FBN3: variants seen among roughly 807,000 people sequenced by gnomAD.
FBN3 encodes the protein fibrillin-3.
In FBN3, 234 loss-of-function variants were observed where a neutral mutation model predicts 330.1. That is an observed-to-expected ratio of 0.71 (90% CI 0.64 to 0.79). The LOEUF (loss-of-function observed/expected upper bound fraction) is 0.79. Ranked by LOEUF, FBN3 falls within the 30% of genes least tolerant of loss-of-function variation. The pLI, the probability that FBN3 is intolerant of heterozygous loss-of-function variation, is 0.00. For synonymous variants in FBN3, 1,458 were observed against 1,517.3 expected (o/e 0.96, Z 0.91); for missense variants, 3,606 against 3,886.9 (o/e 0.93, Z 1.92).
rs1257471194 is a variant in FBN3 at position 8,117,552 on chromosome 19, G to C, written c.3375C>G (p.Pro1125=). The C allele has an allele frequency of 1.3e-6, 2 of 1,557,224 alleles. No homozygotes were observed. The highest frequency in any genetic ancestry group is 2.7e-5 in the African/African-American group (2 of 73,316). Residue 1125 remains proline (P), a synonymous_variant, in exon 27 of 64, where the codon CCC becomes CCG. Transcript: ENST00000600128. ...DECSLSDGLC[P]HGQCVNVIGA... is the part of the protein sequence containing the mutation. ...CGATGACATTGACACACTGGCCATG[G>C]GGACACAGGCCATCACTCAGGGAGC...
At chr19:8,093,531 G>A (rs1216912862) in intron 47 of FBN3, among the ~76,000 whole-genome samples, 1 of 152,196 alleles carries the variant, frequency 6.6e-6, no homozygotes, top group Non-Finnish European at 1.5e-5. Flanking sequence ...GTTGAGGCAG[G>A]AGAATGGCGT....
At chr19:8,097,462 C>T (rs2082236416) in intron 41 of FBN3, 48 bp from the exon 42 acceptor site, 1 of 1,554,932 alleles carries the variant, frequency 6.4e-7, no homozygotes, top group African/African-American at 1.4e-5. Context: ...CCTGGGACTT[C>T]CAGCGATGCT....
chr19:8,120,603 C>T (rs1171664628), intron 25 of FBN3, among the ~76,000 whole-genome samples: 2 of 151,984 alleles, frequency 1.3e-5, no homozygotes, highest in African/African-American at 2.4e-5. Flanking sequence ...ATCCTCCCTC[C>T]TCAGCCTCCC....
chr19:8,069,920 A>G (rs1025035243), intron 63 of FBN3, among the ~76,000 whole-genome samples: 4 of 152,334 alleles, frequency 2.6e-5, no homozygotes, highest in African/African-American at 7.2e-5. Context: ...CCTGGCCAAC[A>G]TGGCGAAACC....
rs1555750577 is a variant in FBN3 at position 8,130,639 on chromosome 19, A to AAAGGAAAGGAAAGGAAAGGAAAG, written c.2044+595_2044+596insCTTTCCTTTCCTTTCCTTTCCTT. Among the ~76,000 whole-genome samples the AAAGGAAAGGAAAGGAAAGGAAAG allele has an allele frequency of 5.1e-4, 2 of 3,960 alleles. 1 individual carries two copies. The highest frequency in any genetic ancestry group is 4.3e-3 in the African/African-American group (2 of 470). The allele number at this position is 3,960 out of a possible 152,430, so 2.6% of individuals were successfully genotyped here. On this transcript the variant is annotated intron_variant, in intron 16 of 63. Coordinates refer to ENST00000600128, the MANE Select transcript of FBN3 (RefSeq NM_032447.5). ...AAGAAAGAAAGAAAGAAAGAAAGAAAGAAAGGAAAGGAAAGGAAAGGAAAA... is the reference window on the plus strand; with the variant it reads ...AAGAAAGAAAGAAAGAAAGAAAGAAAAAGGAAAGGAAAGGAAAGGAAAGGAAAGGAAAGGAAAGGAAAGGAAAA...
At chr19:8,071,435 CT>C (rs890053586) in intron 63 of FBN3, among the ~76,000 whole-genome samples, 1 of 152,126 alleles carries the variant, frequency 6.6e-6, no homozygotes, top group Non-Finnish European at 1.5e-5. Context: ...GGTTGGGGCC[CT>C]GGGGCTCCTA....
In FBN3 at chr19:8,111,206, G is replaced by A. The variant is rs1309066329; in HGVS notation, c.4085-23C>T. 3.8e-6 allele frequency: 6 copies of A among 1,571,788 alleles called. No individual in the cohort carries two copies. In the South Asian group the frequency reaches 6.0e-5, roughly 16 times the overall value. ...TGTCTGAGGGGCCCCAAGATTCGGA[G>A]GGCTGGAGGCCGGTGGACCAGGACC... On this transcript the variant is annotated intron_variant, in intron 32 of 63. Transcript: ENST00000600128.
At chr19:8,085,962 CCAGACAGTGGGAGGGA>C (rs1292428609) in intron 55 of FBN3, among the ~76,000 whole-genome samples, 7 of 121,674 alleles carry the variant, frequency 5.8e-5, no homozygotes, top group Admixed American at 5.1e-4. Flanking sequence ...TGGAGGGCTC[CCAGACAGTGGGAGGGA>C]CAGGCAGTGG....
intron 41 of FBN3, among the ~76,000 whole-genome samples, chr19:8,097,980 A>C (rs2082246034): frequency 6.6e-6 from 1 of 152,220 alleles, no homozygotes; most frequent in Non-Finnish European, 1.5e-5. Context: ...CAGGGGCAGA[A>C]GGGAGGGGCT....
Position 8,135,947 on chromosome 19 carries a change from C to G in FBN3, c.1591+14G>C. ...GCCCGGAAGCCCCTGCCCACCCGCC[C>G]ACCCCCAACTCACCCACACAGTTCT... On this transcript the variant is annotated intron_variant, in intron 13 of 63. Coordinates refer to ENST00000600128, the MANE Select transcript of FBN3 (RefSeq NM_032447.5). 2.0e-6 allele frequency: 1 copy of G among 495,398 alleles called. No individual in the cohort carries two copies. The highest frequency in any genetic ancestry group is 4.0e-6 in the Non-Finnish European group (1 of 251,962). The allele number at this position is 495,398 out of a possible 1,614,324, so 30.7% of individuals were successfully genotyped here.
At chr19:8,113,780 G>A (rs911358260) in intron 30 of FBN3, among the ~76,000 whole-genome samples, 3 of 148,196 alleles carry the variant, frequency 2.0e-5, no homozygotes, top group Admixed American at 1.4e-4. Context: ...CGAGGCAAGA[G>A]GATTACTTGA....
chr19:8,102,826 T>C lies in FBN3; in HGVS notation c.4987A>G (p.Asn1663Asp). The change falls in exon 40 of 64, where the codon AAT (asparagine) becomes GAT (aspartate). Residue 1663 changes from asparagine (N) to aspartate (D), a missense_variant. Physicochemically the swap from Asn to Asp is conservative, Grantham distance 23 (BLOSUM62 1). Coordinates refer to ENST00000600128, the MANE Select transcript of FBN3 (RefSeq NM_032447.5). ...CGGGTCACGTTGAAGGCCAGCTCAT[T>C]TTGACATGTGCCGTTATAGTGCCGG... The part of the protein sequence containing the change: ...CFRHYNGTCQ[N>D]ELAFNVTRKM... The C allele has an allele frequency of 6.2e-7, 1 of 1,614,074 alleles. No individual in the cohort carries two copies. The highest frequency in any genetic ancestry group is 8.5e-7 in the Non-Finnish European group (1 of 1,180,014).
In FBN3 at chr19:8,131,853, G is replaced by T; in HGVS notation, c.1715-24C>A. 2 of 1,557,522 alleles carry T rather than the reference G, an allele frequency of 1.3e-6. No homozygotes were observed. The highest frequency in any genetic ancestry group is 1.7e-6 in the Non-Finnish European group (2 of 1,147,390). On this transcript the variant is annotated intron_variant, in intron 14 of 63. Coordinates refer to ENST00000600128, the MANE Select transcript of FBN3 (RefSeq NM_032447.5). The surrounding 1 kb of genome is among the most constrained non-coding windows in gnomAD (Gnocchi z 4.5). ...GTCTGCAGAAGCAGTGGCGGCACGG[G>T]GATGGGTTCCAGCGTGCTCCCTTCC...
chr19:8,143,077 T>C (rs985604047), intron 6 of FBN3, among the ~76,000 whole-genome samples: 1 of 152,090 alleles, frequency 6.6e-6, no homozygotes, highest in Non-Finnish European at 1.5e-5. Flanking sequence ...CTCACAAGCC[T>C]GGATGTCCCT....
At chr19:8,071,770 C>T (rs561018523) in intron 63 of FBN3, among the ~76,000 whole-genome samples, 5 of 152,230 alleles carry the variant, frequency 3.3e-5, no homozygotes, top group African/African-American at 1.2e-4. Flanking sequence ...AGCATCACAG[C>T]CCGGCCAGGG....
chr19:8,146,175 A>G lies in FBN3; in HGVS notation c.301T>C (p.Cys101Arg). The change falls in exon 4 of 64, where the codon TGC (cysteine) becomes CGC (arginine). Residue 101 changes from cysteine to arginine, a missense_variant. Cys to Arg is a radical substitution (Grantham distance 180). Coordinates refer to ENST00000600128, the MANE Select transcript of FBN3 (RefSeq NM_032447.5). ...GEGFCSQPNL[C>R]TCADGTLAPS... ...GCCAGCGTCCCATCCGCACAGGTGC[A>G]CAGGTTGGGCTGGGAGCAGAAGCCT... 1 of 1,603,754 alleles carries G rather than the reference A, an allele frequency of 6.2e-7. No individual in the cohort carries two copies. Among genetic ancestry groups the G allele is most frequent in the Non-Finnish European group, 8.5e-7 (1 of 1,176,458 alleles).
Position 8,138,468 on chromosome 19 carries a change from C to T in FBN3, c.962G>A (p.Arg321Lys), listed in dbSNP as rs1378975983. 2 of 1,613,458 alleles carry T rather than the reference C, an allele frequency of 1.2e-6. No homozygotes were observed. The highest frequency in any genetic ancestry group is 3.3e-5 in the Admixed American group (2 of 60,028). Residue 321 changes from arginine (R) to lysine (K), a missense_variant, in exon 9 of 64, where the codon AGG becomes AAG. Coordinates refer to ENST00000600128, the MANE Select transcript of FBN3 (RefSeq NM_032447.5). ...CGGGCCAGCTGCCCAGCACCTGCCC[C>T]TGTCACAGCAGCACTGCCTGCGAGT... is the stretch of plus-strand genomic sequence containing the variant. ...HYTRRQCCCD[R>K]GRCWAAGPVP...
At position 8,149,100 on chromosome 19, in the gene FBN3, G is replaced by T. The variant is rs1277933675; in HGVS notation, c.-18+349C>A. ...GTGTGGAGGCTGAGGGCCAAACAGC[G>T]AGGGATACCAAGCTTCGCCGACGGG... On this transcript the variant is annotated intron_variant, in intron 1 of 63. Transcript: ENST00000600128. The surrounding 1 kb of genome is among the most constrained non-coding windows in gnomAD (Gnocchi z 5.5). Among the ~76,000 whole-genome samples, 6 of 152,160 alleles carry T rather than the reference G, an allele frequency of 3.9e-5. No homozygotes were observed. The South Asian group carries it at 6.2e-4, about 16-fold the overall frequency.
At chr19:8,136,677 G>T in intron 10 of FBN3, 146 bp from the exon 11 acceptor site, 1 of 1,096,966 alleles carries the variant, frequency 9.1e-7, no homozygotes, top group Non-Finnish European at 1.3e-6. Flanking sequence ...CTCATGGAGA[G>T]TCCTGCCTTA....
Sources: allele counts gnomAD v4.1 joint callset (sites outside exome capture counted in the v4.1 genomes callset), GRCh38; gene constraint gnomAD v4.1.1; non-coding constraint Gnocchi (gnomAD v3.1); transcripts MANE v1.5; gene names NCBI Gene and HGNC (gene_info 2026-07-23, HGNC 2026-07-21).